The following GALNT1 variants were observed in gnomAD, a reference collection of about 807,000 sequenced individuals.
The protein encoded by GALNT1 is GalNAc transferase 1.
A neutral mutation model predicts 65.7 loss-of-function variants in GALNT1; 17 were observed. The observed-to-expected ratio is 0.26, with a 90% CI of 0.18 to 0.39. The LOEUF is 0.39. Among genes scored for constraint, GALNT1 ranks in the 10% least tolerant of loss-of-function variants. GALNT1 has a pLI of 1.00. For synonymous variants in GALNT1, 210 were observed against 219.7 expected (o/e 0.96, Z 0.39); for missense variants, 460 against 672.8 (o/e 0.68, Z 3.50).
At chr18:35,650,288 G>A (rs545525972) in intron 1 of GALNT1, among the ~76,000 whole-genome samples, 3 of 152,290 alleles carry the variant, frequency 2.0e-5, no homozygotes, top group South Asian at 4.1e-4. Context: ...AGGGGAGGGA[G>A]TGTACGAATA....
intron 2 of GALNT1, among the ~76,000 whole-genome samples, chr18:35,658,847 T>A (rs1278275241): frequency 6.6e-6 from 1 of 151,970 alleles, no homozygotes; most frequent in Non-Finnish European, 1.5e-5. Context: ...GTTGCTGGGA[T>A]TACAGGCACC....
intron 1 of GALNT1, chr18:35,596,395 T>C (rs2046505477): frequency 6.6e-6 from 1 of 152,246 alleles, no homozygotes; most frequent in Non-Finnish European, 1.5e-5. Flanking sequence ...CTCTCACTTC[T>C]GAATGTTCTT....
chr18:35,709,302 T>C (rs1165828558), intron 11 of GALNT1, among the ~76,000 whole-genome samples: 2 of 152,174 alleles, frequency 1.3e-5, no homozygotes, highest in Admixed American at 1.3e-4. Context: ...AAGCTTCTCA[T>C]AGTGTTACAG....
chr18:35,626,238 G>C (rs1304209782), intron 1 of GALNT1, among the ~76,000 whole-genome samples: 1 of 152,158 alleles, frequency 6.6e-6, no homozygotes, highest in Non-Finnish European at 1.5e-5. Context: ...TATATTGCAA[G>C]CTCGTTGAGG....
At chr18:35,655,510 T>G (rs1011845945) in intron 2 of GALNT1, among the ~76,000 whole-genome samples, 3 of 151,614 alleles carry the variant, frequency 2.0e-5, no homozygotes, top group African/African-American at 4.8e-5. Flanking sequence ...TTTTTTTTTT[T>G]TTTTGTTTTT....
At chr18:35,692,810 C>CAAATGATGAT (rs893142554) in intron 9 of GALNT1, among the ~76,000 whole-genome samples, 3 of 152,090 alleles carry the variant, frequency 2.0e-5, no homozygotes, top group African/African-American at 7.2e-5. Flanking sequence ...GTCACAGCAG[C>CAAATGATGAT]AAATGATGAT....
At chr18:35,600,352 G>T (rs1272740860) in intron 1 of GALNT1, among the ~76,000 whole-genome samples, 2 of 151,994 alleles carry the variant, frequency 1.3e-5, no homozygotes, top group Non-Finnish European at 2.9e-5. Context: ...ATTAATGTTA[G>T]TGATTTTTGT....
Position 35,656,621 on chromosome 18 carries a change from A to G in GALNT1, c.139+1820A>G, listed in dbSNP as rs371731820. 9.2e-5 allele frequency among the ~76,000 whole-genome samples: 14 copies of G among 152,344 alleles called. No individual in the cohort carries two copies. The East Asian group carries it at 2.5e-3, about 27-fold the overall frequency. ...GTTGATAGGAGAACAAGAGCACAGG[A>G]GGTGGCAGAGGCCATGTCACACAAG... is the stretch of plus-strand genomic sequence containing the variant. On this transcript the variant is annotated intron_variant, in intron 2 of 11. Coordinates refer to ENST00000269195, the MANE Select transcript of GALNT1 (RefSeq NM_020474.4).
intron 1 of GALNT1, among the ~76,000 whole-genome samples, chr18:35,608,160 T>C (rs1282326450): frequency 1.3e-5 from 2 of 152,140 alleles, no homozygotes; most frequent in African/African-American, 2.4e-5. Flanking sequence ...TTTTTGTTTT[T>C]CAATGAAGTT....
At chr18:35,606,917 C>G (rs187956935) in intron 1 of GALNT1, among the ~76,000 whole-genome samples, 120 of 149,728 alleles carry the variant, frequency 8.0e-4, no homozygotes, top group Middle Eastern at 3.5e-3. Flanking sequence ...CTGTGAGAGA[C>G]ATAGTCATAG....
Position 35,666,106 on chromosome 18 carries a change from T to G in GALNT1, c.314+2304T>G, listed in dbSNP as rs185181057. ...TATGGCTGAATGTCTAGAGTAGATT[T>G]AGACAATTGATAGGAAGTTTGGGAT... On this transcript the variant is annotated intron_variant, in intron 3 of 11. Transcript: ENST00000269195. Among the ~76,000 whole-genome samples, 5 of 152,236 alleles carry G rather than the reference T, an allele frequency of 3.3e-5. No homozygotes were observed. The East Asian group carries it at 9.7e-4, about 29-fold the overall frequency.
chr18:35,660,975 T>C (rs1405026376), intron 2 of GALNT1, among the ~76,000 whole-genome samples: 1 of 152,268 alleles, frequency 6.6e-6, no homozygotes, highest in East Asian at 1.9e-4. Flanking sequence ...TTAATAAATA[T>C]CAGGTGATGA....
At chr18:35,665,091 T>A (rs2047530336) in intron 3 of GALNT1, among the ~76,000 whole-genome samples, 1 of 152,256 alleles carries the variant, frequency 6.6e-6, no homozygotes, top group South Asian at 2.1e-4. Flanking sequence ...TTCAGCCTCT[T>A]GGTCTTCCAT....
intron 1 of GALNT1, among the ~76,000 whole-genome samples, chr18:35,613,758 A>G (rs1183946305): frequency 6.6e-6 from 1 of 152,190 alleles, no homozygotes; most frequent in Non-Finnish European, 1.5e-5. Flanking sequence ...CATAGGAACA[A>G]GGTTGCCTGT....
At chr18:35,647,027 A>G (rs956630303) in intron 1 of GALNT1, among the ~76,000 whole-genome samples, 2 of 152,178 alleles carry the variant, frequency 1.3e-5, no homozygotes, top group African/African-American at 4.8e-5. Flanking sequence ...AGTTTGTCCC[A>G]TCGTATCTCT....
intron 1 of GALNT1, among the ~76,000 whole-genome samples, chr18:35,624,451 T>G (rs1025704990): frequency 1.3e-5 from 2 of 152,242 alleles, no homozygotes; most frequent in Non-Finnish European, 2.9e-5. Context: ...TGAATCCTTA[T>G]GTTTTTGGTG....
chr18:35,614,877 C>A (rs537876264), intron 1 of GALNT1, among the ~76,000 whole-genome samples: 1 of 151,370 alleles, frequency 6.6e-6, no homozygotes, highest in African/African-American at 2.4e-5. Flanking sequence ...AAATAAAAAG[C>A]CACCTAGGAA....
At chr18:35,664,973 A>G (rs1285539420) in intron 3 of GALNT1, among the ~76,000 whole-genome samples, 2 of 152,236 alleles carry the variant, frequency 1.3e-5, no homozygotes, top group Non-Finnish European at 2.9e-5. Context: ...AACAAATTGC[A>G]CTTTAGTGCT....
intron 4 of GALNT1, among the ~76,000 whole-genome samples, chr18:35,682,187 T>C (rs2144601778): frequency 6.6e-6 from 1 of 152,298 alleles, no homozygotes; most frequent in East Asian, 1.9e-4. Context: ...AGAAAATATA[T>C]TAGCAGAAAT....
Sources: gnomAD v4.1 joint callset for allele counts (sites outside exome capture counted in the v4.1 genomes callset) on GRCh38, gnomAD v4.1.1 for gene constraint, MANE v1.5 for transcripts, NCBI Gene and HGNC (gene_info 2026-07-23, HGNC 2026-07-21) for gene names.